Variants in IFTAP observed in about 807,000 individuals in gnomAD.
IFTAP encodes the protein intraflagellar transport-associated protein.
In IFTAP, 19 loss-of-function variants were observed where a neutral mutation model predicts 19.4. That is an observed-to-expected ratio of 0.98 (90% CI 0.68 to 1.44). The LOEUF is 1.44. Ranked by LOEUF, IFTAP falls within the 40% of genes most tolerant of loss-of-function variation. The pLI is 0.00. For missense variants in IFTAP, 240 were observed against 253.6 expected, an observed-to-expected ratio of 0.95 and a Z score of 0.36; for synonymous variants, 85 against 83.5, an observed-to-expected ratio of 1.02 and a Z score of -0.10.
At chr11:36,609,254 A>G (rs561437708) in intron 1 of IFTAP, among the ~76,000 whole-genome samples, 4 of 152,226 alleles carry the variant, frequency 2.6e-5, no homozygotes, top group Non-Finnish European at 5.9e-5. Context: ...TAAATTTGTT[A>G]CAGTGAATGA....
rs1189888019 is a variant in IFTAP, at chr11:36,610,073, T to C, written c.-23-8T>C. On this transcript the variant is annotated splice_polypyrimidine_tract_variant and splice_region_variant and intron_variant, in intron 1 of 5. Coordinates refer to ENST00000334307, the MANE Select transcript of IFTAP (RefSeq NM_138787.4). ...ATTCTCTCTAGCTGGTATTTTTCTG[T>C]CTTGCAGATACTGTGGCCTCATGAA... is the stretch of plus-strand genomic sequence containing the variant. 6.2e-7 allele frequency: 1 copy of C among 1,608,936 alleles called. No individual in the cohort carries two copies. Among genetic ancestry groups the C allele is most frequent in the Non-Finnish European group, 8.5e-7 (1 of 1,176,942 alleles).
At chr11:36,626,406 C>T (rs1310347656) in intron 2 of IFTAP, among the ~76,000 whole-genome samples, 3 of 151,282 alleles carry the variant, frequency 2.0e-5, no homozygotes, top group African/African-American at 7.4e-5. Context: ...GAGGCCATGT[C>T]ATATAATTTT....
chr11:36,653,687 G>A (rs747552228), intron 5 of IFTAP, among the ~76,000 whole-genome samples: 2 of 152,214 alleles, frequency 1.3e-5, no homozygotes, highest in African/African-American at 2.4e-5. Context: ...TCTGAATTGC[G>A]GTATGCCCCT....
chr11:36,658,640 A>C (rs1460269297), intron 5 of IFTAP, among the ~76,000 whole-genome samples: 1 of 152,202 alleles, frequency 6.6e-6, no homozygotes, highest in Non-Finnish European at 1.5e-5. Context: ...AGGTTGATAA[A>C]AAAATCTTAG....
chr11:36,613,656 A>G (rs1029624851), intron 2 of IFTAP, among the ~76,000 whole-genome samples: 5 of 152,016 alleles, frequency 3.3e-5, no homozygotes, highest in Non-Finnish European at 5.9e-5. Context: ...GCTGCTTGAG[A>G]TGAGTCTAGG....
intron 5 of IFTAP, among the ~76,000 whole-genome samples, chr11:36,658,025 T>C (rs931017968): frequency 6.6e-6 from 1 of 152,236 alleles, no homozygotes; most frequent in Non-Finnish European, 1.5e-5. Flanking sequence ...TTATTTTTTC[T>C]TTCACCTTTA....
chr11:36,637,976 G>T (rs1853023716), intron 4 of IFTAP, among the ~76,000 whole-genome samples: 1 of 151,780 alleles, frequency 6.6e-6, no homozygotes, highest in Non-Finnish European at 1.5e-5. Context: ...TGCCTCTCAG[G>T]TTTAAGCAAT....
chr11:36,614,620 G>A (rs1012822196), intron 2 of IFTAP, among the ~76,000 whole-genome samples: 1 of 148,418 alleles, frequency 6.7e-6, no homozygotes, highest in African/African-American at 2.6e-5. Flanking sequence ...TCTAACTGGT[G>A]TGAGATGGTA....
intron 2 of IFTAP, among the ~76,000 whole-genome samples, chr11:36,632,091 C>T (rs557712319): frequency 6.6e-6 from 1 of 151,268 alleles, no homozygotes; most frequent in East Asian, 1.9e-4. Context: ...TGCTACTTAA[C>T]CATCTGTATA....
chr11:36,596,222 G>GTTTT (rs67282079), intron 1 of IFTAP, among the ~76,000 whole-genome samples: 32 of 118,376 alleles, frequency 2.7e-4, no homozygotes, highest in African/African-American at 9.3e-4. Flanking sequence ...TTTTTTTTTT[G>GTTTT]TTTTTTTTTT....
intron 2 of IFTAP, among the ~76,000 whole-genome samples, chr11:36,617,602 C>T (rs1003647300): frequency 2.6e-5 from 4 of 151,964 alleles, no homozygotes; most frequent in Non-Finnish European, 5.9e-5. Flanking sequence ...ACTGTCTGTA[C>T]TGCTTTAAAA....
At chr11:36,613,362 CACTGATGTGAAT>C (rs1199571461) in intron 2 of IFTAP, among the ~76,000 whole-genome samples, 2 of 152,016 alleles carry the variant, frequency 1.3e-5, no homozygotes, top group South Asian at 2.1e-4. Context: ...GTTATAGAAA[CACTGATGTGAAT>C]ACTTATATTT....
chr11:36,641,756 T>G (rs138658081), intron 4 of IFTAP, among the ~76,000 whole-genome samples: 6 of 152,160 alleles, frequency 3.9e-5, no homozygotes, highest in East Asian at 1.9e-4. Context: ...CTCTGTTGAT[T>G]TGGGGTGGAG....
At chr11:36,625,216 A>G (rs984425930) in intron 2 of IFTAP, among the ~76,000 whole-genome samples, 5 of 152,142 alleles carry the variant, frequency 3.3e-5, no homozygotes, top group Non-Finnish European at 7.4e-5. Flanking sequence ...TACTTCATTA[A>G]GTTGTTATTA....
intron 2 of IFTAP, among the ~76,000 whole-genome samples, chr11:36,623,121 C>G (rs1159115816): frequency 6.6e-6 from 1 of 152,068 alleles, no homozygotes; most frequent in Non-Finnish European, 1.5e-5. Flanking sequence ...TACAAATCAC[C>G]TGGAAGGTAC....
At chr11:36,637,806 T>C (rs1245323509) in intron 4 of IFTAP, among the ~76,000 whole-genome samples, 3 of 152,176 alleles carry the variant, frequency 2.0e-5, no homozygotes, top group Non-Finnish European at 4.4e-5. Flanking sequence ...TTTAAATTTT[T>C]CACTTCTTAC....
intron 2 of IFTAP, among the ~76,000 whole-genome samples, chr11:36,630,398 T>C (rs1277269104): frequency 1.3e-5 from 2 of 151,358 alleles, no homozygotes; most frequent in Admixed American, 6.6e-5. Context: ...GAACAAGTTC[T>C]TTTCTACATC....
chr11:36,600,702 A>G (rs557403779), intron 1 of IFTAP, among the ~76,000 whole-genome samples: 1 of 152,366 alleles, frequency 6.6e-6, no homozygotes, highest in Non-Finnish European at 1.5e-5. Context: ...AGCTTTTCTT[A>G]AAAGTTCTTC....
intron 1 of IFTAP, chr11:36,598,292 CTG>C (rs1590726485): frequency 6.6e-6 from 1 of 152,024 alleles, no homozygotes; most frequent in East Asian, 1.9e-4. Context: ...GAGTAACTGA[CTG>C]TGACCTTTTT....
Sources: allele counts gnomAD v4.1 joint callset (sites outside exome capture counted in the v4.1 genomes callset), GRCh38; gene constraint gnomAD v4.1.1; transcripts MANE v1.5; gene names NCBI Gene and HGNC (gene_info 2026-07-23, HGNC 2026-07-21).